The following AHCTF1 variants were observed in gnomAD, a reference collection of about 807,000 sequenced individuals.
AHCTF1 encodes AT-hook containing transcription factor 1, also known as protein ELYS.
AHCTF1 carries 24 observed loss-of-function variants against 248.4 expected under a neutral mutation model. The observed-to-expected ratio is 0.10, with a 90% CI of 0.07 to 0.14. AHCTF1 has a LOEUF of 0.14. Among genes scored for constraint, AHCTF1 ranks in the 10% least tolerant of loss-of-function variants. The probability of loss-of-function intolerance (pLI) is 1.00; values close to 1 mark genes in which losing one functional copy is unlikely to be tolerated. For missense variants in AHCTF1, 2,206 were observed against 2,636.2 expected, an observed-to-expected ratio of 0.84 and a Z score of 3.57; for synonymous variants, 786 against 929.8, an observed-to-expected ratio of 0.85 and a Z score of 2.81.
Position 246,861,279 on chromosome 1 carries a change from T to C in AHCTF1, c.3752A>G (p.Lys1251Arg). 5 of 1,608,266 alleles carry C rather than the reference T, an allele frequency of 3.1e-6. No individual in the cohort carries two copies. Among genetic ancestry groups the C allele is most frequent in the Non-Finnish European group, 4.3e-6 (5 of 1,176,196 alleles). Reference protein sequence around the residue: ...KWIPGAADDSKLEVFTTPKKC... With the variant: ...KWIPGAADDSRLEVFTTPKKC... ...TTTAGGTGTAGTAAATACTTCTAATTTGCTATCATCTGCAGCCTGTAAAGT... is the reference window on the plus strand; with the variant it reads ...TTTAGGTGTAGTAAATACTTCTAATCTGCTATCATCTGCAGCCTGTAAAGT... The change falls in exon 29 of 36, where the codon AAA becomes AGA. Residue 1251 changes from lysine (K) to arginine (R), a missense_variant. Lys to Arg is a conservative substitution (Grantham distance 26). Coordinates refer to ENST00000648844, the MANE Select transcript of AHCTF1 (RefSeq NM_001323342.2).
At chr1:246,876,790 T>C (rs915968945) in intron 23 of AHCTF1, among the ~76,000 whole-genome samples, 160 bp downstream of exon 23, 1 of 152,196 alleles carries the variant, frequency 6.6e-6, no homozygotes, top group Non-Finnish European at 1.5e-5. Flanking sequence ...GGTAATACCC[T>C]GTTCCCAATT....
intron 1 of AHCTF1, among the ~76,000 whole-genome samples, chr1:246,922,728 A>G (rs1398376435): frequency 3.3e-5 from 5 of 150,664 alleles, no homozygotes; most frequent in African/African-American, 4.9e-5. Context: ...CACGCCTGTA[A>G]TCCCAGCACT....
At chr1:246,867,149 T>C (rs1226289102) in intron 26 of AHCTF1, 95 bp downstream of exon 26, 2 of 657,262 alleles carry the variant, frequency 3.0e-6, no homozygotes, top group Admixed American at 3.5e-5. Flanking sequence ...CATTTAATAA[T>C]TTAAAAGTCT....
At position 246,851,155 on chromosome 1, in the gene AHCTF1, T is replaced by G. The variant is rs778213251; in HGVS notation, c.4851A>C (p.Ala1617=). 5 of 1,613,960 alleles carry G rather than the reference T, an allele frequency of 3.1e-6. No individual in the cohort carries two copies. The Admixed American group carries it at 8.3e-5, about 27-fold the overall frequency. Residue 1617 remains alanine (A), a synonymous_variant, in exon 33 of 36, where the codon GCA becomes GCC. Coordinates refer to ENST00000648844, the MANE Select transcript of AHCTF1 (RefSeq NM_001323342.2). ...GTTTTTCTTCAGTTGCTGTGTTAGC[T>G]GCTTTAGGTAACACATCAGATGATG... The part of the protein sequence containing the change: ...DFASSDVLPK[A]ANTATEEKLV...
intron 30 of AHCTF1, among the ~76,000 whole-genome samples, chr1:246,857,048 T>G (rs1040046165): frequency 6.6e-6 from 1 of 152,236 alleles, no homozygotes; most frequent in Admixed American, 6.5e-5. Context: ...CAAGGACCTC[T>G]TGCCAGAAGG....
chr1:246,891,859 T>A lies in AHCTF1; in HGVS notation c.1865A>T (p.Gln622Leu), dbSNP rs1331400567. ...ATTGCTAAGAAGCAAATAGCATTGCTGGATAGACTGTATAGTTTGTGGATC... is the reference window on the plus strand; with the variant it reads ...ATTGCTAAGAAGCAAATAGCATTGCAGGATAGACTGTATAGTTTGTGGATC... ...FMDPQTIQSI[Q>L]QCYLLLSNLN... Residue 622 changes from glutamine to leucine, a missense_variant, in exon 15 of 36, where the codon CAG (glutamine) becomes CTG (leucine). Gln to Leu is a moderately radical substitution (Grantham distance 113). This residue lies in a region of AHCTF1 where 650 missense variants were observed against 870.8 expected (regional missense o/e 0.75). Transcript: ENST00000648844. 2 of 1,602,530 alleles carry A rather than the reference T, an allele frequency of 1.2e-6. No homozygotes were observed. The highest frequency in any genetic ancestry group is 4.5e-5 in the East Asian group (2 of 44,104).
chr1:246,922,938 G>A (rs1051167643), intron 1 of AHCTF1, among the ~76,000 whole-genome samples: 3 of 134,644 alleles, frequency 2.2e-5, no homozygotes, highest in South Asian at 2.3e-4. Flanking sequence ...AGCCGAGATT[G>A]CACCACTGCA....
intron 35 of AHCTF1, among the ~76,000 whole-genome samples, chr1:246,841,498 C>T (rs532476869): frequency 5.3e-5 from 8 of 152,298 alleles, no homozygotes; most frequent in East Asian, 1.9e-4. Context: ...AATGCATTCA[C>T]GTGTGCTTTT....
chr1:246,929,022 TATC>T (rs1667140546), intron 1 of AHCTF1, among the ~76,000 whole-genome samples: 3 of 152,184 alleles, frequency 2.0e-5, no homozygotes, highest in Non-Finnish European at 4.4e-5. Flanking sequence ...TATAGTCAAT[TATC>T]AGAGTATCAG....
Position 246,876,095 on chromosome 1 carries a change from T to G in AHCTF1, c.3030A>C (p.Lys1010Asn), listed in dbSNP as rs1662940188. The change falls in exon 24 of 36, where the codon AAA becomes AAC. Residue 1010 changes from lysine to asparagine, a missense_variant. Coordinates refer to ENST00000648844, the MANE Select transcript of AHCTF1 (RefSeq NM_001323342.2). ...YGKILPRVHR[K>N]LAIERAKPYH... is the part of the protein sequence containing the mutation. ...AAGGCTTAGCTCGTTCAATGGCTAA[T>G]TTTCGATGGACTCTAGGAAGGATTT... 9 of 1,609,660 alleles carry G rather than the reference T, an allele frequency of 5.6e-6. No individual in the cohort carries two copies. Among genetic ancestry groups the G allele is most frequent in the Non-Finnish European group, 7.6e-6 (9 of 1,178,462 alleles).
chr1:246,877,119 T>C (rs932949259), intron 22 of AHCTF1, 38 bp from the exon 23 acceptor site: 17 of 1,612,082 alleles, frequency 1.1e-5, no homozygotes, highest in Non-Finnish European at 1.3e-5. Context: ...TACCAATTTA[T>C]CTTGAATTTC....
At chr1:246,893,870 A>G (rs987770191) in intron 14 of AHCTF1, among the ~76,000 whole-genome samples, 4 of 152,238 alleles carry the variant, frequency 2.6e-5, no homozygotes, top group African/African-American at 9.6e-5. Flanking sequence ...GCATATCAGC[A>G]TGTTGCCAGT....
In AHCTF1 at chr1:246,851,299, A is replaced by G. The variant is rs1411166316; in HGVS notation, c.4707T>C (p.Asp1569=). The change falls in exon 33 of 36, where the codon GAT becomes GAC. Residue 1569 remains aspartate (D), a synonymous_variant. Coordinates refer to ENST00000648844, the MANE Select transcript of AHCTF1 (RefSeq NM_001323342.2). ...TGTCACATTCAGCAGTGTCTTTGTTATCAGCTAAGTCACAAAACTGTTGGT... is the reference window on the plus strand; with the variant it reads ...TGTCACATTCAGCAGTGTCTTTGTTGTCAGCTAAGTCACAAAACTGTTGGT... ...TIDQQFCDLA[D]NKDTAECDIA... is the part of the protein sequence containing the mutation. 6.2e-7 allele frequency: 1 copy of G among 1,614,072 alleles called. No homozygotes were observed. The highest frequency in any genetic ancestry group is 2.2e-5 in the East Asian group (1 of 44,866).
intron 4 of AHCTF1, among the ~76,000 whole-genome samples, chr1:246,910,283 A>G (rs1248828353): frequency 6.6e-6 from 1 of 152,250 alleles, no homozygotes; most frequent in African/African-American, 2.4e-5. Flanking sequence ...TGTACGTTCA[A>G]GGAGACTTGA....
In AHCTF1 at chr1:246,902,620, G is replaced by A; in HGVS notation, c.1022C>T (p.Pro341Leu). The A allele has an allele frequency of 6.2e-7, 1 of 1,613,064 alleles. No homozygotes were observed. Among genetic ancestry groups the A allele is most frequent in the Middle Eastern group, 1.8e-4 (1 of 5,482 alleles). ...GGTATTACTCGTCTGTCCCCTCAAA[G>A]GGAACATGCCACCTGTCAGGTCCAG... The part of the protein sequence containing the change: ...YTLDLTGGMF[P>L]LRGQTSNTKL... The change falls in exon 8 of 36, where the codon CCT (proline) becomes CTT (leucine). Residue 341 changes from proline to leucine, a missense_variant. By Grantham distance (98) the Pro-to-Leu change is moderately conservative. Transcript: ENST00000648844.
chr1:246,860,851 T>C (rs1462800014), intron 29 of AHCTF1, 48 bp downstream of exon 29: 27 of 1,571,774 alleles, frequency 1.7e-5, no homozygotes, highest in South Asian at 2.4e-5. Flanking sequence ...ATAAACTTTA[T>C]TGAGGGACAT....
intron 4 of AHCTF1, among the ~76,000 whole-genome samples, chr1:246,912,880 A>G (rs1665905673): frequency 6.6e-6 from 1 of 152,214 alleles, no homozygotes; most frequent in African/African-American, 2.4e-5. Flanking sequence ...ATATTGGCTG[A>G]TAAGGCTCAA....
chr1:246,902,341 G>C (rs1665062923), intron 8 of AHCTF1, among the ~76,000 whole-genome samples, 184 bp downstream of exon 8: 1 of 152,064 alleles, frequency 6.6e-6, no homozygotes, highest in Non-Finnish European at 1.5e-5. Context: ...CTATTTTATT[G>C]TTTAGTTATA....
intron 13 of AHCTF1, 72 bp downstream of exon 13, chr1:246,895,762 GA>G (rs771819047): frequency 9.4e-5 from 120 of 1,279,202 alleles, no homozygotes; most frequent in Middle Eastern, 6.8e-4. Flanking sequence ...AAATAACTAA[GA>G]AAAAAATATA....
Sources: allele counts gnomAD v4.1 joint callset (sites outside exome capture counted in the v4.1 genomes callset), GRCh38; gene constraint gnomAD v4.1.1; regional missense constraint gnomAD v4.1.1; transcripts MANE v1.5; gene names NCBI Gene and HGNC (gene_info 2026-07-23, HGNC 2026-07-21).